The following PARVB variants were observed in gnomAD, a reference collection of about 807,000 sequenced individuals.
PARVB encodes the protein parvin beta.
A neutral mutation model predicts 47.0 loss-of-function variants in PARVB; 46 were observed. The ratio of observed to expected loss-of-function variants is 0.98; its 90% confidence interval spans 0.77 to 1.25. The LOEUF (loss-of-function observed/expected upper bound fraction) is 1.25, where lower values mean the gene tolerates loss of function less well. Among genes scored for constraint, PARVB ranks in the 50% most tolerant of loss-of-function variants. The probability of loss-of-function intolerance (pLI) is 0.00; values close to 1 mark genes in which losing one functional copy is unlikely to be tolerated. For synonymous variants in PARVB, 196 were observed against 196.3 expected (o/e 1.00, Z 0.01); for missense variants, 473 against 471.6 (o/e 1.00, Z -0.03).
At chr22:44,122,588 G>GAGAGAGAGAC (rs2053093630) in intron 4 of PARVB, among the ~76,000 whole-genome samples, 1 of 122,436 alleles carries the variant, frequency 8.2e-6, no homozygotes, top group East Asian at 2.3e-4. Context: ...GAGAGAGAGA[G>GAGAGAGAGAC]AGAGAGAGAG....
intron 4 of PARVB, among the ~76,000 whole-genome samples, chr22:44,122,622 T>C (rs1601639538): frequency 4.8e-5 from 6 of 125,732 alleles, no homozygotes; most frequent in South Asian, 2.9e-4. Context: ...TCTCACTGCT[T>C]TCTCTCCCAC....
intron 1 of PARVB, among the ~76,000 whole-genome samples, chr22:44,076,424 C>G (rs758548148): frequency 6.6e-6 from 1 of 152,260 alleles, no homozygotes; most frequent in Non-Finnish European, 1.5e-5. Context: ...ATCCGTTCTC[C>G]TCTCTGATCT....
intron 2 of PARVB, among the ~76,000 whole-genome samples, chr22:44,095,560 C>T (rs1488877582): frequency 6.6e-6 from 1 of 152,186 alleles, no homozygotes. Context: ...ATGCTTCTTC[C>T]CTTTGGGCCA....
intron 1 of PARVB, among the ~76,000 whole-genome samples, chr22:44,038,022 G>A (rs1361252565): frequency 6.6e-6 from 1 of 152,160 alleles, no homozygotes; most frequent in Non-Finnish European, 1.5e-5. Context: ...GCTTTCTGTG[G>A]GTCCCATGAT....
chr22:44,027,006 G>C (rs1206231151), intron 1 of PARVB, among the ~76,000 whole-genome samples: 1 of 152,050 alleles, frequency 6.6e-6, no homozygotes, highest in Non-Finnish European at 1.5e-5. Flanking sequence ...AGCAGTGCAG[G>C]AAGTGTCTGA....
intron 1 of PARVB, among the ~76,000 whole-genome samples, chr22:44,048,740 T>G (rs2051157876): frequency 6.6e-6 from 1 of 152,128 alleles, no homozygotes; most frequent in African/African-American, 2.4e-5. Context: ...CTTTGTATTT[T>G]TAGTAGAGAC....
intron 12 of PARVB, among the ~76,000 whole-genome samples, chr22:44,164,197 A>G (rs2054114670): frequency 6.6e-6 from 1 of 152,176 alleles, no homozygotes; most frequent in South Asian, 2.1e-4. Flanking sequence ...CTCAGGATTA[A>G]GTGCGTCTCT....
rs2051575497 is a variant in PARVB, at chr22:44,068,120, CAGTTAATCGAG to C, written c.113-25807_113-25797del. ...CCTGCTTCAGCAGAACTGGGATTGT[CAGTTAATCGAG>C]CAACACCTCCAGGAAGCCAGCCTCA... On this transcript the variant is annotated intron_variant, in intron 1 of 12. Transcript: ENST00000338758. The surrounding 1 kb of genome is among the most constrained non-coding windows in gnomAD (Gnocchi z 4.1). Among the ~76,000 whole-genome samples the C allele has an allele frequency of 6.6e-6, 1 of 151,734 alleles. No individual in the cohort carries two copies. Among genetic ancestry groups the C allele is most frequent in the South Asian group, 2.1e-4 (1 of 4,814 alleles).
At chr22:44,035,828 T>C (rs1280467111) in intron 1 of PARVB, among the ~76,000 whole-genome samples, 1 of 152,144 alleles carries the variant, frequency 6.6e-6, no homozygotes, top group African/African-American at 2.4e-5. Context: ...ATATGGAATT[T>C]ACTGGAGCGG....
chr22:44,122,043 G>C (rs2053058961), intron 4 of PARVB, among the ~76,000 whole-genome samples: 1 of 152,050 alleles, frequency 6.6e-6, no homozygotes, highest in Non-Finnish European at 1.5e-5. Context: ...TTTTTGAGTG[G>C]TCATGTCATC....
chr22:44,056,642 A>G (rs1276479492), intron 1 of PARVB, among the ~76,000 whole-genome samples: 1 of 151,916 alleles, frequency 6.6e-6, no homozygotes, highest in Admixed American at 6.6e-5. Flanking sequence ...AGTAGCTGGG[A>G]CGACAGGCGT....
intron 1 of PARVB, chr22:44,086,787 T>G: frequency 1.0e-6 from 1 of 985,430 alleles, no homozygotes. Flanking sequence ...TTCTGATAAA[T>G]TACAGCTTCT....
upstream of PARVB, chr22:44,024,289 A>C (rs2146876422): frequency 2.2e-6 from 2 of 915,396 alleles, no homozygotes; most frequent in Non-Finnish European, 2.6e-6. Flanking sequence ...CCCCGGGGCG[A>C]CCGGGCGGCT....
intron 2 of PARVB, among the ~76,000 whole-genome samples, chr22:44,006,406 A>T (rs1160107682): frequency 1.3e-5 from 2 of 152,218 alleles, no homozygotes; most frequent in African/African-American, 4.8e-5. Context: ...TGGGCAGATC[A>T]CGGGGTCAGG....
intron 6 of PARVB, among the ~76,000 whole-genome samples, chr22:44,134,264 A>C (rs973410074): frequency 3.9e-5 from 6 of 151,906 alleles, no homozygotes; most frequent in African/African-American, 1.5e-4. Context: ...CTTCCTAAGG[A>C]GGATGTTTGT....
rs1003541716 is a variant in PARVB at position 44,155,861 on chromosome 22, C to A, written c.844-2121C>A. On this transcript the variant is annotated intron_variant, in intron 10 of 12. Transcript: ENST00000338758. This position sits in a 1 kb window ranked among gnomAD's most constrained non-coding sequence, Gnocchi z 4.8. The stretch of plus-strand genomic sequence containing the variant: ...GTGCCATTTGCCCATCAACTGACAG[C>A]GTGTTGAATTTCCAGGCGCAGTGGC... Among the ~76,000 whole-genome samples, 1 of 152,076 alleles carries A rather than the reference C, an allele frequency of 6.6e-6. No homozygotes were observed. Among genetic ancestry groups the A allele is most frequent in the Non-Finnish European group, 1.5e-5 (1 of 68,024 alleles).
chr22:44,082,044 A>C (rs2051913596), intron 1 of PARVB, among the ~76,000 whole-genome samples: 1 of 152,158 alleles, frequency 6.6e-6, no homozygotes, highest in African/African-American at 2.4e-5. Context: ...GTCAGGAGGC[A>C]GTGGCTGCTG....
intron 1 of PARVB, among the ~76,000 whole-genome samples, chr22:44,066,796 C>A (rs1263809974): frequency 6.9e-6 from 1 of 144,520 alleles, no homozygotes; most frequent in African/African-American, 2.6e-5. Context: ...CCTCCTCCTC[C>A]TCCTCCTCCT....
At chr22:44,162,582 A>G (rs2054076591) in intron 11 of PARVB, among the ~76,000 whole-genome samples, 2 of 152,280 alleles carry the variant, frequency 1.3e-5, no homozygotes, top group Middle Eastern at 3.4e-3. Context: ...CGGCCTCACA[A>G]AGTGCTGGGA....
Sources: allele counts gnomAD v4.1 joint callset (sites outside exome capture counted in the v4.1 genomes callset), GRCh38; gene constraint gnomAD v4.1.1; non-coding constraint Gnocchi (gnomAD v3.1); transcripts MANE v1.5; gene names NCBI Gene and HGNC (gene_info 2026-07-23, HGNC 2026-07-21).